FGF12: variants seen among roughly 807,000 people sequenced by gnomAD.
The protein encoded by FGF12 is fibroblast growth factor 12, also known as fibroblast growth factor 12B.
FGF12 carries 14 observed loss-of-function variants against 23.6 expected under a neutral mutation model. The observed-to-expected ratio is 0.59, with a 90% CI of 0.39 to 0.93. The LOEUF (loss-of-function observed/expected upper bound fraction) is 0.93, where lower values mean the gene tolerates loss of function less well. FGF12 is among the 40% of genes least tolerant of loss of function. The probability of loss-of-function intolerance (pLI) is 0.00; values close to 1 mark genes in which losing one functional copy is unlikely to be tolerated. For missense variants in FGF12, 175 were observed against 217.8 expected, an observed-to-expected ratio of 0.80 and a Z score of 1.24; for synonymous variants, 62 against 77.3, an observed-to-expected ratio of 0.80 and a Z score of 1.04.
Position 192,224,957 on chromosome 3 carries a change from C to T in FGF12, c.229-54301G>A, listed in dbSNP as rs150633515. ...CCTGATACCATACCCGGAATTCTGACGTAATACATGTGAGAGAGGCCCCAG... is the reference window on the plus strand; with the variant it reads ...CCTGATACCATACCCGGAATTCTGATGTAATACATGTGAGAGAGGCCCCAG... On this transcript the variant is annotated intron_variant, in intron 4 of 5. Coordinates refer to ENST00000445105, the MANE Select transcript of FGF12 (RefSeq NM_004113.6). Among the ~76,000 whole-genome samples, 279 of 152,120 alleles carry T rather than the reference C, an allele frequency of 1.8e-3. 1 individual carries two copies. Among genetic ancestry groups the T allele is most frequent in the Non-Finnish European group, 3.2e-3 (218 of 67,990 alleles).
At chr3:192,525,545 C>A (rs116553003) in intron 2 of FGF12, among the ~76,000 whole-genome samples, 1,621 of 152,274 alleles carry the variant, frequency 0.011, 17 homozygotes, top group African/African-American at 0.032. Context: ...ATTACTACAA[C>A]ATATTTACAA....
chr3:192,429,613 C>T (rs1483219140), intron 2 of FGF12, among the ~76,000 whole-genome samples: 1 of 152,098 alleles, frequency 6.6e-6, no homozygotes, highest in African/African-American at 2.4e-5. Flanking sequence ...GTGATGGCTG[C>T]CATGAAAAAT....
At chr3:192,468,934 CATTT>C (rs1448910298) in intron 2 of FGF12, among the ~76,000 whole-genome samples, 7 of 152,272 alleles carry the variant, frequency 4.6e-5, no homozygotes, top group Middle Eastern at 6.8e-3. Context: ...CCCATTCATT[CATTT>C]ATTTGATTAT....
intron 2 of FGF12, among the ~76,000 whole-genome samples, chr3:192,361,872 A>G (rs1431590665): frequency 6.6e-6 from 1 of 152,212 alleles, no homozygotes; most frequent in Non-Finnish European, 1.5e-5. Context: ...CTACAAAGCA[A>G]AAGAGATGTC....
chr3:192,619,847 C>T (rs73056425), intron 2 of FGF12, among the ~76,000 whole-genome samples: 1,837 of 152,174 alleles, frequency 0.012, 37 homozygotes, highest in African/African-American at 0.042. Flanking sequence ...TCCTGCTGGG[C>T]GAATTTTCAG....
At chr3:192,486,347 C>A (rs1723632330) in intron 2 of FGF12, among the ~76,000 whole-genome samples, 1 of 151,852 alleles carries the variant, frequency 6.6e-6, no homozygotes, top group Non-Finnish European at 1.5e-5. Context: ...ATGAATGGTC[C>A]TGTGGCAAAC....
intron 4 of FGF12, among the ~76,000 whole-genome samples, chr3:192,276,717 C>T (rs1231398814): frequency 6.6e-6 from 1 of 152,070 alleles, no homozygotes; most frequent in Non-Finnish European, 1.5e-5. Context: ...AGCCAAAAAC[C>T]TTAACATATT....
intron 2 of FGF12, among the ~76,000 whole-genome samples, chr3:192,708,502 T>G (rs1333893649): frequency 2.6e-5 from 4 of 152,246 alleles, no homozygotes; most frequent in Non-Finnish European, 5.9e-5. Flanking sequence ...ATACTTAACA[T>G]GTGCCAAGTC....
At chr3:192,363,698 A>G (rs1006172345) in intron 2 of FGF12, among the ~76,000 whole-genome samples, 2 of 152,066 alleles carry the variant, frequency 1.3e-5, no homozygotes, top group African/African-American at 4.8e-5. Context: ...GCTCAACATC[A>G]CCTTCTCCAT....
At chr3:192,458,622 G>A (rs935558306) in intron 2 of FGF12, among the ~76,000 whole-genome samples, 1 of 152,132 alleles carries the variant, frequency 6.6e-6, no homozygotes, top group Non-Finnish European at 1.5e-5. Context: ...ATCTAGGAAG[G>A]AACTAGCTTG....
intron 4 of FGF12, among the ~76,000 whole-genome samples, chr3:192,181,494 T>C (rs760415294): frequency 6.6e-6 from 1 of 152,092 alleles, no homozygotes; most frequent in Non-Finnish European, 1.5e-5. Flanking sequence ...CACTCTACAA[T>C]GTTTTTTATA....
chr3:192,523,903 A>G (rs1327474788), intron 2 of FGF12, among the ~76,000 whole-genome samples: 1 of 152,230 alleles, frequency 6.6e-6, no homozygotes, highest in African/African-American at 2.4e-5. Context: ...ACCACATAGC[A>G]GTATCATGAT....
At chr3:192,673,885 A>G (rs57505871) in intron 2 of FGF12, among the ~76,000 whole-genome samples, 6,090 of 151,156 alleles carry the variant, frequency 0.04, 461 homozygotes, top group African/African-American at 0.14. Context: ...AATGATCTAT[A>G]TTTCCTTTGG....
At chr3:192,615,571 A>G (rs1046191757) in intron 2 of FGF12, among the ~76,000 whole-genome samples, 10 of 152,098 alleles carry the variant, frequency 6.6e-5, no homozygotes, top group Non-Finnish European at 1.0e-4. Flanking sequence ...CATTTAAAAC[A>G]TATGTATGAC....
At chr3:192,495,435 A>G (rs1350539595) in intron 2 of FGF12, among the ~76,000 whole-genome samples, 1 of 129,940 alleles carries the variant, frequency 7.7e-6, no homozygotes, top group East Asian at 2.3e-4. Flanking sequence ...GCTGTTTTCC[A>G]CAATTCACAA....
At chr3:192,704,675 G>A (rs925233976) in intron 2 of FGF12, among the ~76,000 whole-genome samples, 1 of 152,186 alleles carries the variant, frequency 6.6e-6, no homozygotes, top group African/African-American at 2.4e-5. Context: ...GTCCTTTGAA[G>A]CTTTGAAGCC....
intron 2 of FGF12, among the ~76,000 whole-genome samples, chr3:192,431,114 C>T (rs971284903): frequency 6.6e-6 from 1 of 152,128 alleles, no homozygotes; most frequent in Admixed American, 6.6e-5. Context: ...ATCTTGAGAA[C>T]TCCAACATAA....
At chr3:192,222,772 C>A (rs970156934) in intron 4 of FGF12, among the ~76,000 whole-genome samples, 1 of 152,122 alleles carries the variant, frequency 6.6e-6, no homozygotes, top group Non-Finnish European at 1.5e-5. Context: ...TCTATTCCAT[C>A]AAAAAATATG....
At chr3:192,226,707 T>C (rs2108578956) in intron 4 of FGF12, among the ~76,000 whole-genome samples, 1 of 152,114 alleles carries the variant, frequency 6.6e-6, no homozygotes, top group Middle Eastern at 3.4e-3. Flanking sequence ...GTTGGAGAGA[T>C]CTAATGTACA....
Sources: allele counts gnomAD v4.1 joint callset (sites outside exome capture counted in the v4.1 genomes callset), GRCh38; gene constraint gnomAD v4.1.1; transcripts MANE v1.5; gene names NCBI Gene and HGNC (gene_info 2026-07-23, HGNC 2026-07-21).